The following GULP1 variants were observed in gnomAD, a reference collection of about 807,000 sequenced individuals.
The protein encoded by GULP1 is GULP PTB domain containing engulfment adaptor 1.
Under a neutral mutation model 40.9 loss-of-function variants are expected in GULP1, and 19 were observed. The observed-to-expected ratio is 0.46, with a 90% CI of 0.32 to 0.68. The LOEUF is 0.68. Ranked by LOEUF, GULP1 falls within the 30% of genes least tolerant of loss-of-function variation. GULP1 has a pLI of 0.03. For synonymous variants in GULP1, 119 were observed against 117.6 expected (o/e 1.01, Z -0.08); for missense variants, 312 against 362.2 (o/e 0.86, Z 1.12).
chr2:188,472,563 A>G (rs568425616), intron 2 of GULP1, among the ~76,000 whole-genome samples: 17 of 152,236 alleles, frequency 1.1e-4, no homozygotes, highest in Admixed American at 1.0e-3. Flanking sequence ...TTCTGCTATT[A>G]AAAGACTCTG....
chr2:188,558,209 A>G (rs1695299117), intron 7 of GULP1, among the ~76,000 whole-genome samples: 1 of 151,840 alleles, frequency 6.6e-6, no homozygotes, highest in Admixed American at 6.6e-5. Flanking sequence ...CTTGAATTGT[A>G]CTCCCATAAT....
At chr2:188,425,573 A>G (rs1256433071) in intron 2 of GULP1, among the ~76,000 whole-genome samples, 1 of 152,148 alleles carries the variant, frequency 6.6e-6, no homozygotes, top group Non-Finnish European at 1.5e-5. Flanking sequence ...TCAGGACTGC[A>G]GCAGTTTTAC....
intron 2 of GULP1, among the ~76,000 whole-genome samples, chr2:188,400,250 T>G (rs1242626987): frequency 6.6e-6 from 1 of 152,178 alleles, no homozygotes; most frequent in East Asian, 1.9e-4. Context: ...TTCTCTATAT[T>G]CTTTCCTCTT....
chr2:188,415,301 G>C (rs2054433343), intron 2 of GULP1, among the ~76,000 whole-genome samples: 1 of 152,068 alleles, frequency 6.6e-6, no homozygotes, highest in Non-Finnish European at 1.5e-5. Flanking sequence ...CTATATCTCA[G>C]GGCTAAGTAG....
intron 2 of GULP1, among the ~76,000 whole-genome samples, chr2:188,424,721 ATG>A (rs2055925836): frequency 6.6e-6 from 1 of 151,870 alleles, no homozygotes; most frequent in Non-Finnish European, 1.5e-5. Flanking sequence ...ACATTTTTAT[ATG>A]TCTTTATTTT....
At chr2:188,353,364 C>T (rs1294962264) in intron 1 of GULP1, among the ~76,000 whole-genome samples, 2 of 152,016 alleles carry the variant, frequency 1.3e-5, no homozygotes, top group East Asian at 1.9e-4. Context: ...CAAAATGAGA[C>T]ACAGAGTTGT....
At chr2:188,530,285 A>T (rs1382791605) in intron 6 of GULP1, among the ~76,000 whole-genome samples, 1 of 152,192 alleles carries the variant, frequency 6.6e-6, no homozygotes, top group African/African-American at 2.4e-5. Context: ...GAGCTTCAAC[A>T]TGTGAATTTT....
intron 1 of GULP1, among the ~76,000 whole-genome samples, chr2:188,365,133 A>G (rs1264721657): frequency 6.6e-6 from 1 of 152,160 alleles, no homozygotes; most frequent in African/African-American, 2.4e-5. Flanking sequence ...TTCCCTGATG[A>G]AACAAGTGGT....
At chr2:188,498,162 A>G (rs1348433855) in intron 4 of GULP1, among the ~76,000 whole-genome samples, 1 of 151,982 alleles carries the variant, frequency 6.6e-6, no homozygotes, top group Non-Finnish European at 1.5e-5. Flanking sequence ...AGGTAACAGT[A>G]TACTCAGCAT....
At chr2:188,526,835 A>C (rs1686280938) in intron 5 of GULP1, among the ~76,000 whole-genome samples, 1 of 152,162 alleles carries the variant, frequency 6.6e-6, no homozygotes, top group African/African-American at 2.4e-5. Context: ...ACTAGGCCTA[A>C]TTCCTAAAAA....
At chr2:188,539,748 A>G (rs1016226431) in intron 6 of GULP1, among the ~76,000 whole-genome samples, 3 of 152,108 alleles carry the variant, frequency 2.0e-5, no homozygotes, top group African/African-American at 7.2e-5. Context: ...ATTTATTTGT[A>G]TATCTCATTT....
At chr2:188,464,752 T>A (rs1396255700) in intron 2 of GULP1, among the ~76,000 whole-genome samples, 1 of 152,148 alleles carries the variant, frequency 6.6e-6, no homozygotes, top group East Asian at 1.9e-4. Flanking sequence ...TGCCTCCCCT[T>A]TCCAAAGGCA....
chr2:188,323,294 G>T (rs1183064013), intron 1 of GULP1, among the ~76,000 whole-genome samples: 4 of 151,876 alleles, frequency 2.6e-5, no homozygotes, highest in Non-Finnish European at 5.9e-5. Flanking sequence ...TAGCTAGATT[G>T]CAATCTCAGC....
intron 6 of GULP1, among the ~76,000 whole-genome samples, chr2:188,535,234 T>G (rs1338272356): frequency 6.6e-6 from 1 of 152,116 alleles, no homozygotes; most frequent in Non-Finnish European, 1.5e-5. Flanking sequence ...TGCAGATTTG[T>G]TACCTGGGTA....
chr2:188,421,079 A>C (rs1465315670), intron 2 of GULP1, among the ~76,000 whole-genome samples: 1 of 152,198 alleles, frequency 6.6e-6, no homozygotes, highest in East Asian at 1.9e-4. Context: ...AAGAAAAAGA[A>C]ATAAAGGCAT....
intron 4 of GULP1, among the ~76,000 whole-genome samples, chr2:188,487,041 A>G (rs1262266173): frequency 6.6e-6 from 1 of 152,008 alleles, no homozygotes; most frequent in Non-Finnish European, 1.5e-5. Flanking sequence ...ATTAGATTCT[A>G]TTGCTACTAT....
At chr2:188,545,170 A>G (rs944475310) in intron 7 of GULP1, among the ~76,000 whole-genome samples, 1 of 151,946 alleles carries the variant, frequency 6.6e-6, no homozygotes, top group African/African-American at 2.4e-5. Context: ...ATTTTAAAAA[A>G]TTATTAGATG....
intron 6 of GULP1, among the ~76,000 whole-genome samples, chr2:188,534,272 GTGGTACACATACATCAT>G (rs139093906): frequency 0.016 from 2,394 of 152,254 alleles, 61 homozygotes; most frequent in African/African-American, 0.054. Context: ...TAAAGAAAAT[GTGGTACACATACATCAT>G]TGGAACACTA....
intron 1 of GULP1, among the ~76,000 whole-genome samples, chr2:188,331,935 T>A (rs962913100): frequency 2.0e-5 from 3 of 152,112 alleles, no homozygotes; most frequent in Non-Finnish European, 2.9e-5. Context: ...ATGAAAAAAA[T>A]TTAATGAGTA....
Sources: gnomAD v4.1 joint callset for allele counts (sites outside exome capture counted in the v4.1 genomes callset) on GRCh38, gnomAD v4.1.1 for gene constraint, MANE v1.5 for transcripts, NCBI Gene and HGNC (gene_info 2026-07-23, HGNC 2026-07-21) for gene names.